The following STAU2 variants were observed in gnomAD, a reference collection of about 807,000 sequenced individuals.
STAU2 encodes double-stranded RNA-binding protein Staufen homolog 2.
STAU2 carries 20 observed loss-of-function variants against 65.9 expected under a neutral mutation model. The observed-to-expected ratio is 0.30, with a 90% confidence interval of 0.21 to 0.44. The LOEUF (loss-of-function observed/expected upper bound fraction) is 0.44, where lower values mean the gene tolerates loss of function less well. STAU2 is among the 20% of genes least tolerant of loss of function. STAU2 has a pLI of 1.00. For synonymous variants in STAU2, 232 were observed against 233.9 expected (o/e 0.99, Z 0.07); for missense variants, 558 against 683.9 (o/e 0.82, Z 2.05).
chr8:73,578,094 A>T (rs532721927), intron 12 of STAU2, among the ~76,000 whole-genome samples: 2 of 152,180 alleles, frequency 1.3e-5, no homozygotes, highest in African/African-American at 4.8e-5. Flanking sequence ...TCATACTGCA[A>T]TGAATAAATG....
chr8:73,725,372 T>C (rs1328317542), intron 3 of STAU2, among the ~76,000 whole-genome samples: 1 of 152,256 alleles, frequency 6.6e-6, no homozygotes, highest in Non-Finnish European at 1.5e-5. Flanking sequence ...TCATGTTTGA[T>C]ATCAGCACCT....
chr8:73,474,772 AGG>A (rs1820226371), intron 13 of STAU2, among the ~76,000 whole-genome samples: 1 of 152,226 alleles, frequency 6.6e-6, no homozygotes, highest in African/African-American at 2.4e-5. Flanking sequence ...GTAGCAGAAA[AGG>A]CAACATTTAA....
intron 12 of STAU2, among the ~76,000 whole-genome samples, chr8:73,567,106 A>G (rs1808663720): frequency 1.3e-5 from 2 of 152,218 alleles, no homozygotes; most frequent in Non-Finnish European, 2.9e-5. Flanking sequence ...AAACTACTCA[A>G]AAGATCATTA....
intron 4 of STAU2, among the ~76,000 whole-genome samples, chr8:73,692,549 T>C (rs2130549752): frequency 6.6e-6 from 1 of 152,302 alleles, no homozygotes; most frequent in African/African-American, 2.4e-5. Context: ...ATATCCTTTA[T>C]AATAAACTAG....
intron 6 of STAU2, among the ~76,000 whole-genome samples, chr8:73,618,494 A>G (rs1812997062): frequency 6.6e-6 from 1 of 152,154 alleles, no homozygotes; most frequent in Non-Finnish European, 1.5e-5. Flanking sequence ...CTGTCTGGCA[A>G]AAGTTTAGGG....
At chr8:73,441,942 A>G (rs879849117) in intron 13 of STAU2, among the ~76,000 whole-genome samples, 3 of 152,194 alleles carry the variant, frequency 2.0e-5, no homozygotes, top group Non-Finnish European at 4.4e-5. Flanking sequence ...TATTTTTTTT[A>G]AACTAACACA....
intron 4 of STAU2, among the ~76,000 whole-genome samples, chr8:73,706,126 T>A (rs1459151139): frequency 7.6e-6 from 1 of 130,782 alleles, no homozygotes; most frequent in Non-Finnish European, 1.7e-5. Flanking sequence ...GAAAAAAAAT[T>A]TTTTTTTTGA....
chr8:73,686,017 A>C (rs908436288), intron 5 of STAU2, among the ~76,000 whole-genome samples: 2 of 152,030 alleles, frequency 1.3e-5, no homozygotes, highest in Non-Finnish European at 2.9e-5. Flanking sequence ...AACTGGATGG[A>C]GTTGGAGACC....
chr8:73,740,733 G>A (rs190376141), intron 1 of STAU2, among the ~76,000 whole-genome samples: 137 of 152,234 alleles, frequency 9.0e-4, no homozygotes, highest in African/African-American at 3.2e-3. Context: ...CGGGTGTAGT[G>A]GCTCACGCTT....
At chr8:73,550,408 A>C in intron 13 of STAU2, 4 of 985,250 alleles carry the variant, frequency 4.1e-6, no homozygotes, top group Non-Finnish European at 4.8e-6. Context: ...TTCTGGTAGC[A>C]AAATTACAGC....
At chr8:73,501,450 T>C (rs1041576722) in intron 13 of STAU2, among the ~76,000 whole-genome samples, 1 of 151,836 alleles carries the variant, frequency 6.6e-6, no homozygotes, top group African/African-American at 2.4e-5. Context: ...GTTGCTATTA[T>C]GTTATACACC....
intron 9 of STAU2, among the ~76,000 whole-genome samples, chr8:73,608,444 T>A (rs1812196114): frequency 6.6e-6 from 1 of 150,978 alleles, no homozygotes; most frequent in African/African-American, 2.4e-5. Flanking sequence ...CCGTCTCTAC[T>A]AAAAAAACAA....
chr8:73,572,486 T>G (rs906680605), intron 12 of STAU2, among the ~76,000 whole-genome samples: 12 of 152,188 alleles, frequency 7.9e-5, no homozygotes, highest in Non-Finnish European at 2.9e-5. Context: ...TGAACATTGA[T>G]GCAAAAATCC....
chr8:73,479,409 A>C (rs1820489335), intron 13 of STAU2, among the ~76,000 whole-genome samples: 1 of 151,122 alleles, frequency 6.6e-6, no homozygotes, highest in East Asian at 2.0e-4. Context: ...TCACGGCATG[A>C]GACTGGGATT....
chr8:73,545,213 A>T (rs754380552), intron 13 of STAU2, among the ~76,000 whole-genome samples: 4 of 152,178 alleles, frequency 2.6e-5, no homozygotes, highest in Non-Finnish European at 5.9e-5. Context: ...CTGTAAACCT[A>T]GTACTGTTTT....
rs1316973690 is a variant in STAU2 at position 73,550,908 on chromosome 8, T to A, written c.1530+1104A>T. 5 of 986,558 alleles carry A rather than the reference T, an allele frequency of 5.1e-6. No homozygotes were observed. The African/African-American group carries it at 8.7e-5, about 17-fold the overall frequency. 61.1% of individuals were successfully genotyped at this position (986,558 alleles called of 1,614,324 possible). On this transcript the variant is annotated intron_variant, in intron 13 of 14. Coordinates refer to ENST00000524300, the MANE Select transcript of STAU2 (RefSeq NM_001164380.2). ...CCCCCAAAACACATGACCTTCTTTT[T>A]CATTTTATAATCTAAACTTGTAAAA...
At chr8:73,481,701 A>C (rs1563618022) in intron 13 of STAU2, among the ~76,000 whole-genome samples, 3 of 152,138 alleles carry the variant, frequency 2.0e-5, no homozygotes, top group Non-Finnish European at 1.5e-5. Context: ...GTATTTCAAA[A>C]ATATGGGGAA....
chr8:73,546,041 A>C (rs1806894975), intron 13 of STAU2, among the ~76,000 whole-genome samples: 1 of 140,380 alleles, frequency 7.1e-6, no homozygotes, highest in Non-Finnish European at 1.5e-5. Context: ...TCCCTGGTTC[A>C]AGCACTTCTC....
At chr8:73,460,069 C>T (rs1819270934) in intron 13 of STAU2, among the ~76,000 whole-genome samples, 1 of 152,210 alleles carries the variant, frequency 6.6e-6, no homozygotes, top group Non-Finnish European at 1.5e-5. Flanking sequence ...TCCCTCTACT[C>T]AGCAGTGGCT....
Sources: allele counts gnomAD v4.1 joint callset (sites outside exome capture counted in the v4.1 genomes callset), GRCh38; gene constraint gnomAD v4.1.1; transcripts MANE v1.5; gene names NCBI Gene and HGNC (gene_info 2026-07-23, HGNC 2026-07-21).